TBC1D15: variants seen among roughly 807,000 people sequenced by gnomAD.
The protein encoded by TBC1D15 is TBC1 domain family member 15.
Under a neutral mutation model 95.4 loss-of-function variants are expected in TBC1D15, and 39 were observed. That is an observed-to-expected ratio of 0.41 (90% CI 0.32 to 0.53). The LOEUF (loss-of-function observed/expected upper bound fraction) is 0.53, where lower values mean the gene tolerates loss of function less well. Ranked by LOEUF, TBC1D15 falls within the 20% of genes least tolerant of loss-of-function variation. The pLI is 0.29. For missense variants in TBC1D15, 733 were observed against 794.3 expected (o/e 0.92, Z 0.93); for synonymous variants, 258 against 261.3 (o/e 0.99, Z 0.12).
chr12:71,865,038 C>T (rs1041963130), intron 1 of TBC1D15, among the ~76,000 whole-genome samples: 3 of 152,150 alleles, frequency 2.0e-5, no homozygotes, highest in Admixed American at 2.0e-4. Flanking sequence ...GGAGACTTAG[C>T]TGAGGGTGTC....
At chr12:71,894,426 A>G (rs1475149555) in intron 6 of TBC1D15, 2 of 1,563,186 alleles carry the variant, frequency 1.3e-6, no homozygotes, top group African/African-American at 2.7e-5. Flanking sequence ...GAAGCCTGCA[A>G]ATCATTTGTT....
At chr12:71,869,438 A>C (rs527449853) in intron 1 of TBC1D15, among the ~76,000 whole-genome samples, 1 of 152,152 alleles carries the variant, frequency 6.6e-6, no homozygotes, top group East Asian at 1.9e-4. Flanking sequence ...CAGGAGAATC[A>C]CTTGAACCTG....
At chr12:71,893,397 A>C in intron 6 of TBC1D15, 73 bp downstream of exon 6, 6 of 1,001,796 alleles carry the variant, frequency 6.0e-6, no homozygotes, top group Non-Finnish European at 7.3e-6. Flanking sequence ...TCATCTTCTC[A>C]GAGAGTATGC....
chr12:71,916,259 A>G (rs1903679351), intron 12 of TBC1D15, among the ~76,000 whole-genome samples: 1 of 152,030 alleles, frequency 6.6e-6, no homozygotes, highest in Non-Finnish European at 1.5e-5. Flanking sequence ...AGGAGTAACC[A>G]CTTTTTCGAA....
At chr12:71,893,546 G>A (rs1897598527) in intron 6 of TBC1D15, among the ~76,000 whole-genome samples, 1 of 150,004 alleles carries the variant, frequency 6.7e-6, no homozygotes, top group Non-Finnish European at 1.5e-5. Context: ...TTGGTTCTTA[G>A]TTACTCATAA....
At chr12:71,849,523 TC>T in intron 1 of TBC1D15, 2 of 743,666 alleles carry the variant, frequency 2.7e-6, no homozygotes, top group Admixed American at 3.6e-5. Context: ...GTTCTTATGG[TC>T]AGCTGTAGAT....
intron 3 of TBC1D15, among the ~76,000 whole-genome samples, chr12:71,874,590 T>G (rs1421009602): frequency 6.6e-6 from 1 of 151,936 alleles, no homozygotes; most frequent in Non-Finnish European, 1.5e-5. Context: ...CTGTTCTAAA[T>G]CTTTTGCCCA....
intron 5 of TBC1D15, among the ~76,000 whole-genome samples, chr12:71,892,269 A>ATCCTGTT (rs1377495382): frequency 1.3e-5 from 2 of 152,028 alleles, no homozygotes; most frequent in African/African-American, 2.4e-5. Context: ...AGAATATAAG[A>ATCCTGTT]TCCTGTTTTG....
At chr12:71,859,640 C>T (rs895245681) in intron 1 of TBC1D15, among the ~76,000 whole-genome samples, 1 of 151,378 alleles carries the variant, frequency 6.6e-6, no homozygotes, top group Non-Finnish European at 1.5e-5. Context: ...TGGAGTCTCA[C>T]TATGTTGCCC....
At position 71,880,524 on chromosome 12, in the gene TBC1D15, G is replaced by T. The variant is rs1472788267; in HGVS notation, c.260G>T (p.Gly87Val). ...TQAPKERGHR[G>V]SEHLNSYEAE... ...GCCCCAAAAGAAAGAGGTCATCGAG[G>T]ATCAGAACATCTGAACAGTTACGAA... Residue 87 changes from glycine (G) to valine (V), a missense_variant, in exon 4 of 17, where the codon GGA becomes GTA. Gly to Val is a moderately radical substitution (Grantham distance 109). Transcript: ENST00000485960. 1.2e-6 allele frequency: 2 copies of T among 1,612,986 alleles called. No individual in the cohort carries two copies. The highest frequency in any genetic ancestry group is 4.5e-5 in the East Asian group (2 of 44,822).
chr12:71,911,169 T>C (rs1180950214), intron 11 of TBC1D15, among the ~76,000 whole-genome samples: 1 of 152,142 alleles, frequency 6.6e-6, no homozygotes. Flanking sequence ...TTTTACACTG[T>C]TGGTGGGACT....
At chr12:71,913,696 C>T in intron 11 of TBC1D15, 130 bp from the exon 12 acceptor site, 1 of 610,640 alleles carries the variant, frequency 1.6e-6, no homozygotes, top group Non-Finnish European at 2.8e-6. Flanking sequence ...TGGTGAACAT[C>T]AGTGTCTACC....
intron 6 of TBC1D15, 117 bp downstream of exon 6, chr12:71,893,441 T>G (rs193097977): frequency 9.6e-6 from 3 of 311,986 alleles, no homozygotes; most frequent in African/African-American, 9.0e-5. Flanking sequence ...TACATAGATA[T>G]GTGTGTGTGT....
intron 10 of TBC1D15, among the ~76,000 whole-genome samples, chr12:71,900,485 C>A (rs1006239539): frequency 3.0e-4 from 45 of 152,198 alleles, no homozygotes; most frequent in African/African-American, 1.0e-3. Flanking sequence ...CACAAAAATT[C>A]GCAACCTCTG....
At chr12:71,879,767 T>G (rs573886979) in intron 3 of TBC1D15, among the ~76,000 whole-genome samples, 2 of 152,242 alleles carry the variant, frequency 1.3e-5, no homozygotes, top group Admixed American at 1.3e-4. Flanking sequence ...TGTTTTGATA[T>G]TTGTCTATTT....
At chr12:71,895,781 G>A (rs950054496) in intron 7 of TBC1D15, among the ~76,000 whole-genome samples, 166 bp from the exon 8 acceptor site, 3 of 152,078 alleles carry the variant, frequency 2.0e-5, no homozygotes, top group Non-Finnish European at 4.4e-5. Flanking sequence ...GGAAATACAT[G>A]TAATGCTAAC....
At chr12:71,859,760 A>C (rs917508158) in intron 1 of TBC1D15, among the ~76,000 whole-genome samples, 2 of 152,008 alleles carry the variant, frequency 1.3e-5, no homozygotes, top group Non-Finnish European at 2.9e-5. Flanking sequence ...GGCACCTACC[A>C]CCATGCCCAG....
At chr12:71,842,998 A>G (rs534992024) in intron 1 of TBC1D15, among the ~76,000 whole-genome samples, 2 of 151,844 alleles carry the variant, frequency 1.3e-5, no homozygotes, top group African/African-American at 4.8e-5. Context: ...TTCTATTGAA[A>G]ATTACTGGCC....
intron 10 of TBC1D15, among the ~76,000 whole-genome samples, chr12:71,905,592 C>T (rs1900496171): frequency 6.6e-6 from 1 of 152,096 alleles, no homozygotes; most frequent in Non-Finnish European, 1.5e-5. Flanking sequence ...TCCCAAAGTG[C>T]TGGGATTATA....
Sources: gnomAD v4.1 joint callset for allele counts (sites outside exome capture counted in the v4.1 genomes callset) on GRCh38, gnomAD v4.1.1 for gene constraint, MANE v1.5 for transcripts, NCBI Gene and HGNC (gene_info 2026-07-23, HGNC 2026-07-21) for gene names.